Variants in PPARA observed in about 807,000 individuals in gnomAD.
PPARA encodes the protein peroxisome proliferator-activated receptor alpha.
A neutral mutation model predicts 42.2 loss-of-function variants in PPARA; 22 were observed. The ratio of observed to expected loss-of-function variants is 0.52; its 90% CI spans 0.37 to 0.74. The LOEUF is 0.74. Ranked by LOEUF, PPARA falls within the 30% of genes least tolerant of loss-of-function variation. The probability of loss-of-function intolerance (pLI) is 0.00; values close to 1 mark genes in which losing one functional copy is unlikely to be tolerated. For synonymous variants in PPARA, 242 were observed against 239.3 expected (o/e 1.01, Z -0.10); for missense variants, 465 against 608.2 (o/e 0.76, Z 2.48).
Position 46,187,195 on chromosome 22 carries a change from C to A in PPARA, c.-43+10359C>A, listed in dbSNP as rs769485936. Among the ~76,000 whole-genome samples the A allele has an allele frequency of 1.9e-4, 29 of 152,204 alleles. No homozygotes were observed. The highest frequency in any genetic ancestry group is 3.8e-4 in the Non-Finnish European group (26 of 68,036). Reference sequence around the variant, plus strand: ...CACTGTAAGCATCATCATTGCTTCTCAGAAGAGGAGACCTGGCTTACAGAG... The same window carrying A: ...CACTGTAAGCATCATCATTGCTTCTAAGAAGAGGAGACCTGGCTTACAGAG... On this transcript the variant is annotated intron_variant, in intron 3 of 8. Transcript: ENST00000407236. This position sits in a 1 kb window ranked among gnomAD's most constrained non-coding sequence, Gnocchi z 4.9.
chr22:46,230,906 C>T lies in PPARA; in HGVS notation c.712-886C>T. On this transcript the variant is annotated intron_variant, in intron 7 of 8. Coordinates refer to ENST00000407236, the MANE Select transcript of PPARA (RefSeq NM_005036.6). The surrounding 1 kb of genome is among the most constrained non-coding windows in gnomAD (Gnocchi z 5.0). Reference sequence around the variant, plus strand: ...AATAATGGTGTTCACCCCTAAAGTGCATATACTGGTAAAATTAAGAATGAT... The same window carrying T: ...AATAATGGTGTTCACCCCTAAAGTGTATATACTGGTAAAATTAAGAATGAT... Among the ~76,000 whole-genome samples, 1 of 152,164 alleles carries T rather than the reference C, an allele frequency of 6.6e-6. No individual in the cohort carries two copies. The highest frequency in any genetic ancestry group is 2.1e-4 in the South Asian group (1 of 4,826).
chr22:46,174,862 T>C (rs1928775245), intron 2 of PPARA, among the ~76,000 whole-genome samples: 1 of 152,050 alleles, frequency 6.6e-6, no homozygotes, highest in Admixed American at 6.6e-5. Context: ...TCCTCCCTTT[T>C]AGTACTTTTA....
At position 46,156,900 on chromosome 22, in the gene PPARA, C is replaced by T. The variant is rs1925384607; in HGVS notation, c.-127+4930C>T. Among the ~76,000 whole-genome samples, 1 of 152,214 alleles carries T rather than the reference C, an allele frequency of 6.6e-6. No homozygotes were observed. The highest frequency in any genetic ancestry group is 1.5e-5 in the Non-Finnish European group (1 of 68,042). On this transcript the variant is annotated intron_variant, in intron 2 of 8. Coordinates refer to ENST00000407236, the MANE Select transcript of PPARA (RefSeq NM_005036.6). The surrounding 1 kb of genome is among the most constrained non-coding windows in gnomAD (Gnocchi z 5.2). ...TACAGGCGTGAGCCACCACACCCGG[C>T]CTCCTGTGTGTTTTGAAGGTGATTG... is the stretch of plus-strand genomic sequence containing the variant.
intron 4 of PPARA, among the ~76,000 whole-genome samples, chr22:46,210,247 T>G (rs1933791906): frequency 7.1e-6 from 1 of 140,596 alleles, no homozygotes; most frequent in Admixed American, 7.4e-5. Flanking sequence ...AGGCAGAGGT[T>G]GTGGTGAGCC....
Position 46,235,248 on chromosome 22 carries a change from ACTT to A in PPARA, c.1280_1282del (p.Leu427del), listed in dbSNP as rs1310231642. 1.2e-6 allele frequency: 2 copies of A among 1,614,002 alleles called. No homozygotes were observed. The highest frequency in any genetic ancestry group is 1.7e-6 in the Non-Finnish European group (2 of 1,180,010). On this transcript the variant is annotated inframe_deletion, in exon 9 of 9. Coordinates refer to ENST00000407236, the MANE Select transcript of PPARA (RefSeq NM_005036.6). The surrounding 1 kb of genome is among the most constrained non-coding windows in gnomAD (Gnocchi z 7.0). ...CGGACGATATCTTTCTCTTCCCAAA[ACTT>A]CTTCAAAAAATGGCAGACCTCCGGC...
intron 5 of PPARA, 47 bp from the exon 6 acceptor site, chr22:46,218,216 T>G: frequency 6.2e-7 from 1 of 1,611,980 alleles, no homozygotes; most frequent in Non-Finnish European, 8.5e-7. Flanking sequence ...GTGCGCTGGT[T>G]TCTCAGTGGC....
At chr22:46,155,067 A>G (rs1925097797) in intron 2 of PPARA, 1 of 141,260 alleles carries the variant, frequency 7.1e-6, no homozygotes, top group Non-Finnish European at 1.5e-5. Context: ...TTATAAATAT[A>G]TTTGAAACAT....
At chr22:46,164,726 C>T (rs1034025619) in intron 2 of PPARA, 3 of 152,188 alleles carry the variant, frequency 2.0e-5, no homozygotes, top group Admixed American at 2.0e-4. Context: ...TAAATCTACA[C>T]CCTTGTGCTT....
In PPARA at chr22:46,188,054, A is replaced by G. The variant is rs1240607710; in HGVS notation, c.-42-10288A>G. Among the ~76,000 whole-genome samples the G allele has an allele frequency of 6.6e-6, 1 of 152,228 alleles. No individual in the cohort carries two copies. The highest frequency in any genetic ancestry group is 1.5e-5 in the Non-Finnish European group (1 of 68,046). ...AATACCTAGCGAACAGCCTGGCACC[A>G]GCTACCAGGCATGTGACTGAGGCCA... On this transcript the variant is annotated intron_variant, in intron 3 of 8. Coordinates refer to ENST00000407236, the MANE Select transcript of PPARA (RefSeq NM_005036.6). This position sits in a 1 kb window ranked among gnomAD's most constrained non-coding sequence, Gnocchi z 5.0.
intron 7 of PPARA, chr22:46,220,651 A>C (rs1220064619): frequency 6.5e-6 from 1 of 154,168 alleles, no homozygotes; most frequent in Admixed American, 6.4e-5. Flanking sequence ...ATTTAAAAAA[A>C]AAAAAACTGA....
chr22:46,192,210 T>C lies in PPARA; in HGVS notation c.-42-6132T>C, dbSNP rs1931657768. 6.6e-6 allele frequency among the ~76,000 whole-genome samples: 1 copy of C among 152,120 alleles called. No individual in the cohort carries two copies. ...GTAGGAGAGACAGACACGTAAAAAG[T>C]TTCAACAGCACAGATAATCAGGGCT... On this transcript the variant is annotated intron_variant, in intron 3 of 8. Transcript: ENST00000407236. This position sits in a 1 kb window ranked among gnomAD's most constrained non-coding sequence, Gnocchi z 4.3.
intron 4 of PPARA, among the ~76,000 whole-genome samples, chr22:46,199,676 T>C (rs183762494): frequency 7.2e-5 from 11 of 152,154 alleles, no homozygotes; most frequent in African/African-American, 1.9e-4. Flanking sequence ...TGAATGAAAA[T>C]AAACAAGCTT....
chr22:46,235,561 G>A lies in PPARA; in HGVS notation c.*181G>A, dbSNP rs1936163288. ...TCTTTGTTTTAACCAGTACTTCTAA[G>A]AGCATAGAACTCAAATGCTGGGGGT... On this transcript the variant is annotated 3_prime_UTR_variant, in exon 9 of 9. Transcript: ENST00000407236. This position sits in a 1 kb window ranked among gnomAD's most constrained non-coding sequence, Gnocchi z 7.0. The A allele has an allele frequency of 1.2e-6, 1 of 807,646 alleles. No homozygotes were observed. The highest frequency in any genetic ancestry group is 2.4e-5 in the Admixed American group (1 of 40,872). 50.0% of individuals were successfully genotyped at this position (807,646 alleles called of 1,614,324 possible).
chr22:46,167,657 A>C lies in PPARA; in HGVS notation c.-126-9096A>C, dbSNP rs574157722. Among the ~76,000 whole-genome samples the C allele has an allele frequency of 1.3e-5, 2 of 152,222 alleles. No homozygotes were observed. Among genetic ancestry groups the C allele is most frequent in the East Asian group, 3.9e-4 (2 of 5,168 alleles). ...TGACAGAGAGACCGTGTGTTAAAAA[A>C]AGAGTTAAAACTATAAAACCTTCAG... On this transcript the variant is annotated intron_variant, in intron 2 of 8. Transcript: ENST00000407236. The surrounding 1 kb of genome is among the most constrained non-coding windows in gnomAD (Gnocchi z 4.1).
At chr22:46,199,138 A>G (rs4253712) in intron 4 of PPARA, among the ~76,000 whole-genome samples, 40,230 of 151,924 alleles carry the variant, frequency 0.26, 5,643 homozygotes, top group African/African-American at 0.36. Context: ...AGTCACGGGG[A>G]ACAGCTAAAG....
rs190681734 is a variant in PPARA at position 46,170,819 on chromosome 22, C to A, written c.-126-5934C>A. 4.4e-4 allele frequency among the ~76,000 whole-genome samples: 66 copies of A among 151,642 alleles called. 1 individual carries two copies. The East Asian group carries it at 0.011, about 26-fold the overall frequency. On this transcript the variant is annotated intron_variant, in intron 2 of 8. Transcript: ENST00000407236. ...GAGGAAAGGCATCTGTACTGCCCCCCAAATGTGTAGAATGGGATGCATTCC... is the reference window on the plus strand; with the variant it reads ...GAGGAAAGGCATCTGTACTGCCCCCAAAATGTGTAGAATGGGATGCATTCC...
At chr22:46,153,599 G>C (rs1182174478) in intron 2 of PPARA, among the ~76,000 whole-genome samples, 1 of 152,138 alleles carries the variant, frequency 6.6e-6, no homozygotes, top group Non-Finnish European at 1.5e-5. Context: ...CGGGTGCGGT[G>C]GCTCACACCT....
At chr22:46,205,781 A>G (rs995875578) in intron 4 of PPARA, among the ~76,000 whole-genome samples, 1 of 151,418 alleles carries the variant, frequency 6.6e-6, no homozygotes, top group African/African-American at 2.4e-5. Context: ...TTAGGTGCAT[A>G]AACATTCAGG....
chr22:46,205,541 TATATA>T (rs1933178870), intron 4 of PPARA, among the ~76,000 whole-genome samples: 1 of 36,116 alleles, frequency 2.8e-5, no homozygotes, highest in African/African-American at 1.4e-4. Context: ...TATATATATA[TATATA>T]TATATATATT....
Sources: allele counts gnomAD v4.1 joint callset (sites outside exome capture counted in the v4.1 genomes callset), GRCh38; gene constraint gnomAD v4.1.1; non-coding constraint Gnocchi (gnomAD v3.1); transcripts MANE v1.5; gene names NCBI Gene and HGNC (gene_info 2026-07-23, HGNC 2026-07-21).